Variants in ANXA10 observed in about 807,000 individuals in gnomAD.
ANXA10 encodes annexin 14.
In ANXA10, 49 loss-of-function variants were observed where a neutral mutation model predicts 53.5. That is an observed-to-expected ratio of 0.92 (90% CI 0.73 to 1.16). ANXA10 has a LOEUF of 1.16. Ranked by LOEUF, ANXA10 falls within the 50% of genes most tolerant of loss-of-function variation. The pLI, the probability that ANXA10 is intolerant of heterozygous loss-of-function variation, is 0.00. For synonymous variants in ANXA10, 131 were observed against 128.9 expected (o/e 1.02, Z -0.11); for missense variants, 393 against 394.4 (o/e 1.00, Z 0.03).
chr4:168,158,076 A>C (rs1228347249), intron 3 of ANXA10, among the ~76,000 whole-genome samples: 1 of 152,172 alleles, frequency 6.6e-6, no homozygotes, highest in East Asian at 1.9e-4. Flanking sequence ...GTTCCAAATG[A>C]TCCACATCCT....
At chr4:168,117,980 A>G (rs1341740980) in intron 1 of ANXA10, among the ~76,000 whole-genome samples, 9 of 150,506 alleles carry the variant, frequency 6.0e-5, no homozygotes, top group Non-Finnish European at 8.9e-5. Context: ...AAGCAGATGA[A>G]CCTAATGCGC....
intron 6 of ANXA10, among the ~76,000 whole-genome samples, chr4:168,170,597 T>C (rs775922867): frequency 1.3e-5 from 2 of 152,174 alleles, no homozygotes; most frequent in Non-Finnish European, 2.9e-5. Context: ...ATTTCTAGAA[T>C]TGGAACATTA....
At chr4:168,147,342 G>C (rs968167905) in intron 3 of ANXA10, among the ~76,000 whole-genome samples, 1 of 152,140 alleles carries the variant, frequency 6.6e-6, no homozygotes, top group East Asian at 1.9e-4. Context: ...CTTTTCAAAG[G>C]GGATATACCT....
intron 3 of ANXA10, among the ~76,000 whole-genome samples, chr4:168,160,053 C>T (rs1197663782): frequency 6.6e-6 from 1 of 152,036 alleles, no homozygotes; most frequent in Non-Finnish European, 1.5e-5. Flanking sequence ...TATATTTTTT[C>T]CCTCAAATGT....
At chr4:168,138,110 C>T (rs986315680) in intron 2 of ANXA10, among the ~76,000 whole-genome samples, 57 of 151,768 alleles carry the variant, frequency 3.8e-4, no homozygotes, top group Non-Finnish European at 7.1e-4. Flanking sequence ...TACAGGCGCC[C>T]GCCACCACAC....
At position 168,166,631 on chromosome 4, in the gene ANXA10, CGTGTGTGTGTGTGTGT is replaced by C. The variant is rs34797848; in HGVS notation, c.480+1340_480+1355del. Among the ~76,000 whole-genome samples, 1,006 of 136,784 alleles carry C rather than the reference CGTGTGTGTGTGTGTGT, an allele frequency of 7.4e-3. 14 individuals are homozygous for C. The highest frequency in any genetic ancestry group is 0.025 in the African/African-American group (926 of 37,290). 89.7% of individuals were successfully genotyped at this position (136,784 alleles called of 152,430 possible). A position where few individuals can be genotyped will look rare whatever the true frequency, so the allele number is the denominator to read the frequency against. On this transcript the variant is annotated intron_variant, in intron 6 of 11. Transcript: ENST00000359299. ...TTTGGTTTGGTTTGGTTTTGTGTTT[CGTGTGTGTGTGTGTGT>C]GTGTGTGTGTGTGTGTGTGTGTGTG...
chr4:168,143,598 G>A (rs1271010401), intron 3 of ANXA10, among the ~76,000 whole-genome samples: 1 of 152,190 alleles, frequency 6.6e-6, no homozygotes, highest in African/African-American at 2.4e-5. Context: ...ACAATGCAGT[G>A]ACACCAAGGG....
chr4:168,121,931 C>T (rs1399252477), intron 1 of ANXA10, among the ~76,000 whole-genome samples: 4 of 152,194 alleles, frequency 2.6e-5, no homozygotes, highest in Non-Finnish European at 4.4e-5. Flanking sequence ...GCAACCTCCA[C>T]CTCCTGGGTT....
intron 4 of ANXA10, 92 bp from the exon 5 acceptor site, chr4:168,164,106 C>T: frequency 2.1e-6 from 2 of 940,626 alleles, no homozygotes; most frequent in Non-Finnish European, 3.2e-6. Flanking sequence ...TCTCAAAACA[C>T]TGGAAATGCT....
intron 3 of ANXA10, among the ~76,000 whole-genome samples, chr4:168,156,456 A>G (rs139999529): frequency 0.029 from 3,586 of 124,510 alleles, 162 homozygotes; most frequent in East Asian, 0.14. Flanking sequence ...TATATATAGT[A>G]GGTGACCACA....
intron 3 of ANXA10, among the ~76,000 whole-genome samples, chr4:168,148,451 C>T (rs1013404955): frequency 2.6e-5 from 4 of 152,178 alleles, no homozygotes; most frequent in Non-Finnish European, 2.9e-5. Context: ...AGGCATGAGC[C>T]ACCGTGCCTG....
At chr4:168,140,424 C>A (rs1731306585) in intron 3 of ANXA10, among the ~76,000 whole-genome samples, 1 of 152,180 alleles carries the variant, frequency 6.6e-6, no homozygotes, top group African/African-American at 2.4e-5. Flanking sequence ...AAGCTACTAT[C>A]AGTAGTGACC....
chr4:168,179,871 C>A (rs1248227823), intron 9 of ANXA10, among the ~76,000 whole-genome samples: 1 of 152,098 alleles, frequency 6.6e-6, no homozygotes, highest in Non-Finnish European at 1.5e-5. Context: ...CAAAACGGGG[C>A]GAGTTATCCA....
chr4:168,098,366 G>C (rs146724438), intron 1 of ANXA10, among the ~76,000 whole-genome samples: 1 of 151,980 alleles, frequency 6.6e-6, no homozygotes, highest in African/African-American at 2.4e-5. Context: ...CAGAAAGAAA[G>C]GAGTCATTTA....
intron 3 of ANXA10, among the ~76,000 whole-genome samples, chr4:168,141,851 C>T (rs980998337): frequency 2.0e-5 from 3 of 152,054 alleles, no homozygotes; most frequent in Admixed American, 6.6e-5. Flanking sequence ...CTGCTTCTGC[C>T]GTAAGCCCTT....
At chr4:168,181,791 T>G in intron 10 of ANXA10, 50 bp downstream of exon 10, 1 of 1,291,964 alleles carries the variant, frequency 7.7e-7, no homozygotes, top group Non-Finnish European at 1.1e-6. Context: ...GTGTCTGTTT[T>G]CTCAAAGGAT....
intron 1 of ANXA10, among the ~76,000 whole-genome samples, chr4:168,100,522 C>T (rs1730622847): frequency 6.6e-6 from 1 of 152,078 alleles, no homozygotes; most frequent in African/African-American, 2.4e-5. Flanking sequence ...CTCTGCTTCT[C>T]TCTCTTGTAT....
rs954530460 is a variant in ANXA10 at position 168,139,346 on chromosome 4, C to T, written c.101-140C>T. The T allele has an allele frequency of 8.6e-5, 50 of 583,202 alleles. 1 individual carries two copies. In the African/African-American group the frequency reaches 8.8e-4, roughly 10 times the overall value. The allele number at this position is 583,202 out of a possible 1,614,324, so 36.1% of individuals were successfully genotyped here. A position where few individuals can be genotyped will look rare whatever the true frequency, so the allele number is the denominator to read the frequency against. On this transcript the variant is annotated intron_variant, in intron 2 of 11. Transcript: ENST00000359299. ...TCATCAAGCATCATTACATGATTTC[C>T]AATTTTAGTTAAAATTGTTCCCTGC... is the stretch of plus-strand genomic sequence containing the variant.
chr4:168,146,459 T>C (rs1379037454), intron 3 of ANXA10, among the ~76,000 whole-genome samples: 1 of 152,186 alleles, frequency 6.6e-6, no homozygotes, highest in Non-Finnish European at 1.5e-5. Flanking sequence ...TGAATTGTGA[T>C]TTCCTTTGCC....
Sources: gnomAD v4.1 joint callset for allele counts (sites outside exome capture counted in the v4.1 genomes callset) on GRCh38, gnomAD v4.1.1 for gene constraint, MANE v1.5 for transcripts, NCBI Gene and HGNC (gene_info 2026-07-23, HGNC 2026-07-21) for gene names.